Variants in ARL15 observed in about 807,000 individuals in gnomAD.
ARL15 encodes ARF like GTPase 15, also known as ADP-ribosylation factor-like protein 15.
Under a neutral mutation model 25.2 loss-of-function variants are expected in ARL15, and 19 were observed. That is an observed-to-expected ratio of 0.75 (90% confidence interval 0.53 to 1.10). The LOEUF (loss-of-function observed/expected upper bound fraction) is 1.10, where lower values mean the gene tolerates loss of function less well. ARL15 is among the 50% of genes least tolerant of loss of function. ARL15 has a pLI of 0.00. For missense variants in ARL15, 220 were observed against 246.0 expected, an observed-to-expected ratio of 0.89 and a Z score of 0.71; for synonymous variants, 94 against 86.8, an observed-to-expected ratio of 1.08 and a Z score of -0.46.
chr5:54,063,298 T>C (rs554453730), intron 4 of ARL15, among the ~76,000 whole-genome samples: 57 of 152,346 alleles, frequency 3.7e-4, no homozygotes, highest in African/African-American at 1.4e-3. Flanking sequence ...ATGAGGATTC[T>C]GCAGTTGGTT....
At chr5:54,201,360 A>C (rs534608158) in intron 1 of ARL15, among the ~76,000 whole-genome samples, 8 of 152,268 alleles carry the variant, frequency 5.3e-5, no homozygotes, top group African/African-American at 1.7e-4. Context: ...CTGAGATATG[A>C]ATAAGATTCT....
chr5:53,960,484 G>A (rs1034010064), intron 4 of ARL15, among the ~76,000 whole-genome samples: 7 of 152,162 alleles, frequency 4.6e-5, no homozygotes, highest in Admixed American at 1.3e-4. Flanking sequence ...ATAGAATTTA[G>A]AATACCTAAT....
chr5:54,005,324 A>G (rs1461268689), intron 4 of ARL15, among the ~76,000 whole-genome samples: 1 of 152,154 alleles, frequency 6.6e-6, no homozygotes, highest in Admixed American at 6.5e-5. Context: ...GTTCCCAAAG[A>G]CCCAGAGAGC....
At chr5:54,214,398 G>T (rs546054806) in intron 1 of ARL15, among the ~76,000 whole-genome samples, 5 of 152,222 alleles carry the variant, frequency 3.3e-5, no homozygotes, top group Non-Finnish European at 5.9e-5. Context: ...ACAGATGAAA[G>T]AACTTCCTTT....
intron 4 of ARL15, among the ~76,000 whole-genome samples, chr5:54,056,155 T>G (rs1750863918): frequency 6.6e-6 from 1 of 152,206 alleles, no homozygotes; most frequent in Non-Finnish European, 1.5e-5. Context: ...TCAATGGTCT[T>G]GGGCAAGTTG....
intron 1 of ARL15, among the ~76,000 whole-genome samples, chr5:54,238,523 G>A (rs1200617958): frequency 6.6e-6 from 1 of 152,038 alleles, no homozygotes; most frequent in Non-Finnish European, 1.5e-5. Context: ...GTATCACTCC[G>A]CCAGAGAATA....
At chr5:54,061,456 C>T (rs977187137) in intron 4 of ARL15, among the ~76,000 whole-genome samples, 1 of 151,928 alleles carries the variant, frequency 6.6e-6, no homozygotes, top group Non-Finnish European at 1.5e-5. Context: ...CTAAAAAATA[C>T]AAAACTACCT....
chr5:54,192,149 G>A (rs1755422749), intron 1 of ARL15, among the ~76,000 whole-genome samples: 1 of 151,776 alleles, frequency 6.6e-6, no homozygotes, highest in Non-Finnish European at 1.5e-5. Flanking sequence ...TATACATATG[G>A]TTCATAGTCA....
At chr5:54,290,487 T>C (rs1033490299) in intron 1 of ARL15, among the ~76,000 whole-genome samples, 2 of 152,016 alleles carry the variant, frequency 1.3e-5, no homozygotes, top group Non-Finnish European at 2.9e-5. Context: ...TTCCTATTTT[T>C]AGTAGAGACG....
intron 1 of ARL15, among the ~76,000 whole-genome samples, chr5:54,306,547 C>T (rs968942777): frequency 2.0e-5 from 3 of 152,096 alleles, no homozygotes; most frequent in Non-Finnish European, 4.4e-5. Flanking sequence ...TGCGCCACGA[C>T]ACCCAGCTAA....
chr5:54,106,394 A>G (rs1225309220), intron 4 of ARL15, among the ~76,000 whole-genome samples: 1 of 152,192 alleles, frequency 6.6e-6, no homozygotes, highest in Non-Finnish European at 1.5e-5. Context: ...GATGTATGGT[A>G]AGATTCGGAG....
intron 1 of ARL15, among the ~76,000 whole-genome samples, chr5:54,255,482 G>A (rs552671275): frequency 2.1e-4 from 32 of 152,104 alleles, no homozygotes; most frequent in African/African-American, 4.3e-4. Context: ...ATTTTGTTTC[G>A]TCTCCCTTTA....
chr5:54,085,977 C>T (rs1241499442), intron 4 of ARL15, among the ~76,000 whole-genome samples: 1 of 151,188 alleles, frequency 6.6e-6, no homozygotes, highest in African/African-American at 2.4e-5. Context: ...TGCAATGGTG[C>T]TATCTAGGCT....
intron 3 of ARL15, among the ~76,000 whole-genome samples, chr5:54,138,696 C>T (rs1753677238): frequency 6.6e-6 from 1 of 152,168 alleles, no homozygotes; most frequent in Non-Finnish European, 1.5e-5. Context: ...AACTAAAAAG[C>T]TTCTGCACAG....
chr5:54,066,062 C>A (rs1349597128), intron 4 of ARL15, among the ~76,000 whole-genome samples: 1 of 152,172 alleles, frequency 6.6e-6, no homozygotes, highest in Non-Finnish European at 1.5e-5. Flanking sequence ...TCTAGCATCA[C>A]AATACCTCTG....
At chr5:54,236,853 C>T (rs1456710330) in intron 1 of ARL15, among the ~76,000 whole-genome samples, 2 of 152,142 alleles carry the variant, frequency 1.3e-5, no homozygotes, top group South Asian at 2.1e-4. Context: ...CATGCTGAAC[C>T]TTGGTATCTT....
intron 1 of ARL15, among the ~76,000 whole-genome samples, chr5:54,266,260 G>C (rs1299704341): frequency 6.6e-6 from 1 of 152,180 alleles, no homozygotes; most frequent in Non-Finnish European, 1.5e-5. Context: ...ATTCAGAGTT[G>C]GAAATGAGAG....
At chr5:54,200,336 A>T (rs1038411810) in intron 1 of ARL15, among the ~76,000 whole-genome samples, 26 of 151,144 alleles carry the variant, frequency 1.7e-4, no homozygotes, top group Admixed American at 4.6e-4. Flanking sequence ...AATAAATAAA[A>T]AAAATTTAAA....
chr5:54,010,474 C>T lies in ARL15; in HGVS notation c.462+102728G>A, dbSNP rs1053120876. Reference sequence around the variant, plus strand: ...ACATTCAAGACAAACAGTCTCAATGCCTAGTAGATATCACCTCATCTTTGA... The same window carrying T: ...ACATTCAAGACAAACAGTCTCAATGTCTAGTAGATATCACCTCATCTTTGA... On this transcript the variant is annotated intron_variant, in intron 4 of 4. Coordinates refer to ENST00000504924, the MANE Select transcript of ARL15 (RefSeq NM_019087.3). Among the ~76,000 whole-genome samples, 3 of 152,090 alleles carry T rather than the reference C, an allele frequency of 2.0e-5. No individual in the cohort carries two copies. The South Asian group carries it at 6.2e-4, about 32-fold the overall frequency.
Sources: gnomAD v4.1 joint callset for allele counts (sites outside exome capture counted in the v4.1 genomes callset) on GRCh38, gnomAD v4.1.1 for gene constraint, MANE v1.5 for transcripts, NCBI Gene and HGNC (gene_info 2026-07-23, HGNC 2026-07-21) for gene names.